The following ZDHHC14 variants were observed in gnomAD, a reference collection of about 807,000 sequenced individuals.
The protein encoded by ZDHHC14 is zDHHC palmitoyltransferase 14.
In ZDHHC14, 16 loss-of-function variants were observed where a neutral mutation model predicts 47.7. That is an observed-to-expected ratio of 0.34 (90% CI 0.23 to 0.51). The LOEUF is 0.51. Ranked by LOEUF, ZDHHC14 falls within the 20% of genes least tolerant of loss-of-function variation. The probability of loss-of-function intolerance (pLI) is 0.97; values close to 1 mark genes in which losing one functional copy is unlikely to be tolerated. For missense variants in ZDHHC14, 515 were observed against 662.5 expected (o/e 0.78, Z 2.44); for synonymous variants, 293 against 278.9 (o/e 1.05, Z -0.50).
At chr6:157,509,208 G>A (rs556674464) in intron 1 of ZDHHC14, among the ~76,000 whole-genome samples, 9 of 152,144 alleles carry the variant, frequency 5.9e-5, no homozygotes, top group Non-Finnish European at 1.3e-4. Flanking sequence ...ACTGATGTGA[G>A]TACCCTGGGC....
intron 1 of ZDHHC14, among the ~76,000 whole-genome samples, chr6:157,382,688 C>T (rs1777239199): frequency 1.3e-5 from 2 of 152,184 alleles, no homozygotes; most frequent in Non-Finnish European, 2.9e-5. Flanking sequence ...ACTTTTTCCC[C>T]CTTGCTGACA....
At chr6:157,563,580 T>C (rs1782792954) in intron 2 of ZDHHC14, among the ~76,000 whole-genome samples, 1 of 152,184 alleles carries the variant, frequency 6.6e-6, no homozygotes. Context: ...GTATCCACAC[T>C]GTGTGTATCC....
intron 1 of ZDHHC14, among the ~76,000 whole-genome samples, chr6:157,437,799 C>A (rs1778471798): frequency 6.6e-6 from 1 of 152,046 alleles, no homozygotes; most frequent in African/African-American, 2.4e-5. Flanking sequence ...GTGATTCATT[C>A]TTCCCCATAT....
intron 2 of ZDHHC14, among the ~76,000 whole-genome samples, chr6:157,591,234 A>C (rs1783897777): frequency 6.6e-6 from 1 of 152,298 alleles, no homozygotes; most frequent in Non-Finnish European, 1.5e-5. Context: ...TGTGTTTTAA[A>C]ATGTGAGGAC....
rs1004657760 is a variant in ZDHHC14 at position 157,586,113 on chromosome 6, T to C, written c.407-6875T>C. On this transcript the variant is annotated intron_variant, in intron 2 of 8. Coordinates refer to ENST00000359775, the MANE Select transcript of ZDHHC14 (RefSeq NM_024630.3). The surrounding 1 kb of genome is among the most constrained non-coding windows in gnomAD (Gnocchi z 4.6). The stretch of plus-strand genomic sequence containing the variant: ...CAAATCCTCCTGACATCATCGGTAC[T>C]GGGTCTTCCCTCTGGCCTGTAAACA... Among the ~76,000 whole-genome samples the C allele has an allele frequency of 7.2e-5, 11 of 152,192 alleles. No individual in the cohort carries two copies. The highest frequency in any genetic ancestry group is 1.0e-4 in the Non-Finnish European group (7 of 68,038).
At chr6:157,574,668 G>A (rs1479814878) in intron 2 of ZDHHC14, among the ~76,000 whole-genome samples, 1 of 152,096 alleles carries the variant, frequency 6.6e-6, no homozygotes, top group Non-Finnish European at 1.5e-5. Flanking sequence ...CATTCATTAC[G>A]TCCATTCATC....
intron 1 of ZDHHC14, among the ~76,000 whole-genome samples, chr6:157,436,986 G>A (rs1412372810): frequency 6.6e-6 from 1 of 152,112 alleles, no homozygotes; most frequent in African/African-American, 2.4e-5. Context: ...TCATCCACGG[G>A]GCAAGGGGCA....
Position 157,547,754 on chromosome 6 carries a change from C to T in ZDHHC14, c.406+5009C>T, listed in dbSNP as rs760530203. Among the ~76,000 whole-genome samples, 6 of 144,074 alleles carry T rather than the reference C, an allele frequency of 4.2e-5. 1 individual carries two copies. Among genetic ancestry groups the T allele is most frequent in the Non-Finnish European group, 9.0e-5 (6 of 66,678 alleles). The allele number at this position is 144,074 out of a possible 152,430, so 94.5% of individuals were successfully genotyped here. ...TTTCTTCTCTGCATAAAATTTATAA[C>T]TAAGATTTTTCACCAATCAGTATTA... is the stretch of plus-strand genomic sequence containing the variant. On this transcript the variant is annotated intron_variant, in intron 2 of 8. Transcript: ENST00000359775.
chr6:157,673,146 A>T lies in ZDHHC14; in HGVS notation c.*24A>T. ...GACCCACATGGCCCCAGGCCGGGGGACACCAGAGGCTCCTCCATGGGCAGC... is the reference window on the plus strand; with the variant it reads ...GACCCACATGGCCCCAGGCCGGGGGTCACCAGAGGCTCCTCCATGGGCAGC... On this transcript the variant is annotated 3_prime_UTR_variant, in exon 9 of 9. Transcript: ENST00000359775. The surrounding 1 kb of genome is among the most constrained non-coding windows in gnomAD (Gnocchi z 5.4). The T allele has an allele frequency of 6.5e-7, 1 of 1,544,318 alleles. No individual in the cohort carries two copies. Among genetic ancestry groups the T allele is most frequent in the Non-Finnish European group, 8.6e-7 (1 of 1,156,250 alleles).
At chr6:157,539,395 C>A (rs1781663920) in intron 1 of ZDHHC14, among the ~76,000 whole-genome samples, 1 of 151,934 alleles carries the variant, frequency 6.6e-6, no homozygotes, top group East Asian at 1.9e-4. Flanking sequence ...CAGAGTGAGG[C>A]CCTGTCTCCA....
intron 1 of ZDHHC14, among the ~76,000 whole-genome samples, chr6:157,423,760 G>GCTGAGCCGATTTAAA (rs1778156327): frequency 6.6e-6 from 1 of 152,224 alleles, no homozygotes; most frequent in South Asian, 2.1e-4. Flanking sequence ...CTTCCAACTT[G>GCTGAGCCGATTTAAA]CTGAGCCGAT....
At chr6:157,544,719 G>A (rs999493156) in intron 2 of ZDHHC14, among the ~76,000 whole-genome samples, 5 of 152,248 alleles carry the variant, frequency 3.3e-5, no homozygotes, top group African/African-American at 1.2e-4. Context: ...CTCTAGGATG[G>A]CACTAATCAA....
chr6:157,592,727 G>T, intron 2 of ZDHHC14: 1 of 1,225,264 alleles, frequency 8.2e-7, no homozygotes, highest in Non-Finnish European at 1.0e-6. Flanking sequence ...CCACAGGGAG[G>T]GCCTGGCTGG....
chr6:157,386,153 A>C (rs146159977), intron 1 of ZDHHC14, among the ~76,000 whole-genome samples: 126 of 152,030 alleles, frequency 8.3e-4, no homozygotes, highest in African/African-American at 3.0e-3. Flanking sequence ...GGAAGGGAAC[A>C]TGTAGGTTAA....
chr6:157,470,910 G>T (rs926494690), intron 1 of ZDHHC14, among the ~76,000 whole-genome samples: 30 of 152,158 alleles, frequency 2.0e-4, no homozygotes, highest in South Asian at 2.1e-4. Context: ...TGGCTTCCAC[G>T]TGTGAGCAGG....
intron 1 of ZDHHC14, among the ~76,000 whole-genome samples, chr6:157,390,656 T>G (rs1292518644): frequency 6.6e-6 from 1 of 152,194 alleles, no homozygotes; most frequent in African/African-American, 2.4e-5. Context: ...TATTTCTATG[T>G]TAAGCCAATT....
intron 1 of ZDHHC14, among the ~76,000 whole-genome samples, chr6:157,534,780 G>T (rs927826231): frequency 2.0e-5 from 3 of 151,524 alleles, no homozygotes; most frequent in African/African-American, 7.3e-5. Flanking sequence ...TTGTAGAGAC[G>T]GGGTTTCGCC....
chr6:157,401,331 T>C (rs1777631157), intron 1 of ZDHHC14, among the ~76,000 whole-genome samples: 1 of 152,252 alleles, frequency 6.6e-6, no homozygotes, highest in Non-Finnish European at 1.5e-5. Flanking sequence ...AATCTTTTGG[T>C]ACACTGTATG....
intron 1 of ZDHHC14, among the ~76,000 whole-genome samples, chr6:157,490,111 C>T (rs992827944): frequency 2.0e-5 from 3 of 151,976 alleles, no homozygotes; most frequent in African/African-American, 4.8e-5. Flanking sequence ...TAGAGAAACA[C>T]GGTGGACGCT....
Sources: gnomAD v4.1 joint callset for allele counts (sites outside exome capture counted in the v4.1 genomes callset) on GRCh38, gnomAD v4.1.1 for gene constraint, Gnocchi (gnomAD v3.1) non-coding constraint, MANE v1.5 for transcripts, NCBI Gene and HGNC (gene_info 2026-07-23, HGNC 2026-07-21) for gene names.